The following DISP3 variants were observed in gnomAD, a reference collection of about 807,000 sequenced individuals.
DISP3 encodes the protein protein dispatched homolog 3.
Under a neutral mutation model 135.3 loss-of-function variants are expected in DISP3, and 101 were observed. That is an observed-to-expected ratio of 0.75 (90% confidence interval 0.64 to 0.88). The LOEUF is 0.88. Ranked by LOEUF, DISP3 falls within the 40% of genes least tolerant of loss-of-function variation. The pLI, the probability that DISP3 is intolerant of heterozygous loss-of-function variation, is 0.00. For synonymous variants in DISP3, 856 were observed against 817.0 expected, an observed-to-expected ratio of 1.05 and a Z score of -0.81; for missense variants, 1,713 against 1,878.6, an observed-to-expected ratio of 0.91 and a Z score of 1.63.
chr1:11,484,433 G>T (rs1045615176), intron 1 of DISP3, among the ~76,000 whole-genome samples: 2 of 152,186 alleles, frequency 1.3e-5, no homozygotes, highest in African/African-American at 4.8e-5. Flanking sequence ...GGCTGGTCAC[G>T]CTTGCTGGCA....
intron 7 of DISP3, among the ~76,000 whole-genome samples, chr1:11,518,587 G>A (rs1057353100): frequency 3.3e-5 from 5 of 152,206 alleles, no homozygotes; most frequent in Non-Finnish European, 7.3e-5. Flanking sequence ...CCGGCCTGGG[G>A]CTGTCTCCCC....
intron 20 of DISP3, 57 bp downstream of exon 20, chr1:11,535,701 G>A (rs1011784924): frequency 1.3e-6 from 2 of 1,562,216 alleles, no homozygotes; most frequent in Non-Finnish European, 1.7e-6. Flanking sequence ...CTCCCACCTG[G>A]GTGCAGCTGA....
chr1:11,520,818 G>A lies in DISP3; in HGVS notation c.2332G>A (p.Ala778Thr), dbSNP rs759999426. 29 of 1,611,420 alleles carry A rather than the reference G, an allele frequency of 1.8e-5. No individual in the cohort carries two copies. Among genetic ancestry groups the A allele is most frequent in the East Asian group, 2.2e-5 (1 of 44,820 alleles). The change falls in exon 10 of 21, where the codon GCC (alanine) becomes ACC (threonine). Residue 778 changes from alanine (A) to threonine (T), a missense_variant. This residue lies in a region of DISP3 where 1,142 missense variants were observed against 1,384.6 expected (regional missense o/e 0.82). Coordinates refer to ENST00000294484, the MANE Select transcript of DISP3 (RefSeq NM_020780.2). This position sits in a 1 kb window ranked among gnomAD's most constrained non-coding sequence, Gnocchi z 4.8. ...GCTGGACCTCAAGTACAACCTGAGCGCCGAGGGCATCTCCTGCATCACCTG... is the reference window on the plus strand; with the variant it reads ...GCTGGACCTCAAGTACAACCTGAGCACCGAGGGCATCTCCTGCATCACCTG... Reference protein sequence around the residue: ...VLLDLKYNLSAEGISCITCSG... With the variant: ...VLLDLKYNLSTEGISCITCSG...
At position 11,519,334 on chromosome 1, in the gene DISP3, T is replaced by G. The variant is rs368684939; in HGVS notation, c.1890-21T>G. 4.4e-6 allele frequency: 7 copies of G among 1,607,954 alleles called. No homozygotes were observed. Among genetic ancestry groups the G allele is most frequent in the Non-Finnish European group, 6.0e-6 (7 of 1,176,298 alleles). On this transcript the variant is annotated intron_variant, in intron 7 of 20. Transcript: ENST00000294484. This position sits in a 1 kb window ranked among gnomAD's most constrained non-coding sequence, Gnocchi z 4.3. ...TACCCAGGACCCTCTGGTTCACCCCTGTCCCCTACTCTCTCCACAGCTGCC... is the reference window on the plus strand; with the variant it reads ...TACCCAGGACCCTCTGGTTCACCCCGGTCCCCTACTCTCTCCACAGCTGCC...
At position 11,531,845 on chromosome 1, in the gene DISP3, C is replaced by G. The variant is rs1642584533; in HGVS notation, c.3375+135C>G. ...AGGTGGAGTGACTTGCCTGAGGTCA[C>G]ATAGTTAGTGGGTGTCAGTGTCGAG... is the stretch of plus-strand genomic sequence containing the variant. On this transcript the variant is annotated intron_variant, in intron 17 of 20. Coordinates refer to ENST00000294484, the MANE Select transcript of DISP3 (RefSeq NM_020780.2). This position sits in a 1 kb window ranked among gnomAD's most constrained non-coding sequence, Gnocchi z 5.2. 7.9e-7 allele frequency: 1 copy of G among 1,268,550 alleles called. No individual in the cohort carries two copies. Among genetic ancestry groups the G allele is most frequent in the African/African-American group, 1.5e-5 (1 of 65,842 alleles). The allele number at this position is 1,268,550 out of a possible 1,614,324, so 78.6% of individuals were successfully genotyped here.
Position 11,501,004 on chromosome 1 carries a change from G to C in DISP3, c.12G>C (p.Glu4Asp), listed in dbSNP as rs201655270. The change falls in exon 2 of 21, where the codon GAG becomes GAC. Residue 4 changes from glutamate (E) to aspartate (D), a missense_variant. By Grantham distance (45) the Glu-to-Asp change is conservative. This residue lies in a region of DISP3 where 571 missense variants were observed against 494.1 expected (regional missense o/e 1.16). Transcript: ENST00000294484. This position sits in a 1 kb window ranked among gnomAD's most constrained non-coding sequence, Gnocchi z 4.9. Reference protein sequence around the residue: MDTEDDPLLQDVWL... With the variant: MDTDDDPLLQDVWL... ...CTCTCCTGCAGACTATGGACACGGA[G>C]GATGACCCCTTGCTGCAGGATGTGT... 7 of 1,613,958 alleles carry C rather than the reference G, an allele frequency of 4.3e-6. No homozygotes were observed. The African/African-American group carries it at 9.3e-5, about 22-fold the overall frequency.
rs779503610 is a variant in DISP3, at chr1:11,499,344, CT to C, written c.-3-1644del. ...TCTCCACCTTATTCCCATCAGCTTT[CT>C]TCTTCTAAGGCCAAGAATCGGGCAG... On this transcript the variant is annotated intron_variant, in intron 1 of 20. Transcript: ENST00000294484. The surrounding 1 kb of genome is among the most constrained non-coding windows in gnomAD (Gnocchi z 5.2). Among the ~76,000 whole-genome samples, 21 of 152,102 alleles carry C rather than the reference CT, an allele frequency of 1.4e-4. No individual in the cohort carries two copies. Among genetic ancestry groups the C allele is most frequent in the Non-Finnish European group, 2.6e-4 (18 of 68,014 alleles).
chr1:11,528,879 A>G (rs1253829674), intron 13 of DISP3, among the ~76,000 whole-genome samples: 1 of 152,202 alleles, frequency 6.6e-6, no homozygotes, highest in East Asian at 1.9e-4. Flanking sequence ...TGAGGGCTGC[A>G]GCTTGGAGGC....
chr1:11,512,565 C>A (rs1641886176), intron 3 of DISP3, among the ~76,000 whole-genome samples: 2 of 152,196 alleles, frequency 1.3e-5, no homozygotes, highest in African/African-American at 4.8e-5. Context: ...TTGTCCATAT[C>A]ACTATCAGCA....
At chr1:11,500,169 A>G (rs1272031478) in intron 1 of DISP3, among the ~76,000 whole-genome samples, 1 of 152,198 alleles carries the variant, frequency 6.6e-6, no homozygotes, top group African/African-American at 2.4e-5. Flanking sequence ...CTGCATATTA[A>G]GTGGCCCGAG....
chr1:11,535,240 G>A (rs1159198962), intron 19 of DISP3, 116 bp downstream of exon 19: 3 of 1,096,406 alleles, frequency 2.7e-6, no homozygotes. Context: ...CATCTCAGCG[G>A]AGGCTCATAG....
At chr1:11,532,929 C>G (rs1057072424) in intron 17 of DISP3, among the ~76,000 whole-genome samples, 2 of 152,180 alleles carry the variant, frequency 1.3e-5, no homozygotes, top group Non-Finnish European at 2.9e-5. Context: ...GGGTCTCGAA[C>G]TCCTGACCTC....
Position 11,536,939 on chromosome 1 carries a change from G to T in DISP3, c.*253G>T. ...CGGCTTTTTGCCCAGTGGCAGAAGA[G>T]ACCAGCCCTCCTCCCATGCCCGGTC... On this transcript the variant is annotated 3_prime_UTR_variant, in exon 21 of 21. Transcript: ENST00000294484. The surrounding 1 kb of genome is among the most constrained non-coding windows in gnomAD (Gnocchi z 4.3). 1 of 555,366 alleles carries T rather than the reference G, an allele frequency of 1.8e-6. No individual in the cohort carries two copies. Among genetic ancestry groups the T allele is most frequent in the Non-Finnish European group, 3.2e-6 (1 of 317,314 alleles). 34.4% of individuals were successfully genotyped at this position (555,366 alleles called of 1,614,324 possible).
chr1:11,487,726 C>A (rs1641077883), intron 1 of DISP3, among the ~76,000 whole-genome samples: 1 of 152,172 alleles, frequency 6.6e-6, no homozygotes, highest in South Asian at 2.1e-4. Flanking sequence ...TGAGCGTTGC[C>A]CTCTCACTGC....
At chr1:11,508,847 C>CTA (rs1019286926) in intron 3 of DISP3, among the ~76,000 whole-genome samples, 1 of 152,106 alleles carries the variant, frequency 6.6e-6, no homozygotes, top group Non-Finnish European at 1.5e-5. Context: ...TGTAGTTACC[C>CTA]TATTGTGCTA....
In DISP3 at chr1:11,536,298, G is replaced by A. The variant is rs755261748; in HGVS notation, c.3817-26G>A. On this transcript the variant is annotated intron_variant, in intron 20 of 20. Coordinates refer to ENST00000294484, the MANE Select transcript of DISP3 (RefSeq NM_020780.2). The surrounding 1 kb of genome is among the most constrained non-coding windows in gnomAD (Gnocchi z 4.3). ...CAGAGGGGTCCCGCAGGCAGGCTGG[G>A]CTCCCAGCTCTCCTCTTGCCCCCAG... 5 of 1,583,522 alleles carry A rather than the reference G, an allele frequency of 3.2e-6. No homozygotes were observed. The highest frequency in any genetic ancestry group is 3.8e-4 in the Middle Eastern group (2 of 5,264).
At chr1:11,522,793 A>AGCCAGG (rs1642268519) in intron 10 of DISP3, among the ~76,000 whole-genome samples, 1 of 14,812 alleles carries the variant, frequency 6.8e-5, no homozygotes, top group Non-Finnish European at 1.4e-4. Flanking sequence ...GCCCAGCCAG[A>AGCCAGG]GCCCAGCCAG....
At chr1:11,498,147 G>A (rs1641393529) in intron 1 of DISP3, among the ~76,000 whole-genome samples, 1 of 152,236 alleles carries the variant, frequency 6.6e-6, no homozygotes. Flanking sequence ...AATTGTTGCA[G>A]TTGCTATTGC....
At chr1:11,533,833 T>G in intron 17 of DISP3, 1 of 717,786 alleles carries the variant, frequency 1.4e-6, no homozygotes, top group Non-Finnish European at 2.6e-6. Flanking sequence ...GCAGGGTGAG[T>G]GCCTATTTCT....
Sources: allele counts gnomAD v4.1 joint callset (sites outside exome capture counted in the v4.1 genomes callset), GRCh38; gene constraint gnomAD v4.1.1; regional missense constraint gnomAD v4.1.1; non-coding constraint Gnocchi (gnomAD v3.1); transcripts MANE v1.5; gene names NCBI Gene and HGNC (gene_info 2026-07-23, HGNC 2026-07-21).